Variants in AK3 observed in about 807,000 individuals in gnomAD.
AK3 encodes adenylate kinase 3.
Under a neutral mutation model 23.7 loss-of-function variants are expected in AK3, and 27 were observed. The ratio of observed to expected loss-of-function variants is 1.14; its 90% CI spans 0.84 to 1.57. AK3 has a LOEUF of 1.57. Among genes scored for constraint, AK3 ranks in the 40% most tolerant of loss-of-function variants. The probability of loss-of-function intolerance (pLI) is 0.00; values close to 1 mark genes in which losing one functional copy is unlikely to be tolerated. For synonymous variants in AK3, 159 were observed against 116.0 expected, an observed-to-expected ratio of 1.37 and a Z score of -2.38; for missense variants, 406 against 285.6, an observed-to-expected ratio of 1.42 and a Z score of -3.04.
Position 4,711,556 on chromosome 9 carries a change from T to C in AK3, c.*1420A>G, listed in dbSNP as rs371924408. 1.1e-3 allele frequency: 161 copies of C among 152,628 alleles called. 2 individuals are homozygous for C. The highest frequency in any genetic ancestry group is 3.7e-3 in the African/African-American group (152 of 41,574). 9.5% of individuals were successfully genotyped at this position (152,628 alleles called of 1,614,324 possible). A position where few individuals can be genotyped will look rare whatever the true frequency, so the allele number is the denominator to read the frequency against. On this transcript the variant is annotated 3_prime_UTR_variant, in exon 5 of 5. Transcript: ENST00000381809. ...CATAAGAACCACTTACTGGCACTTG[T>C]ATTTTAAGTACCTGGGAAAAAAACG...
Position 4,741,022 on chromosome 9 carries a change from G to T in AK3, c.66C>A (p.Thr22=). 6.3e-7 allele frequency: 1 copy of T among 1,589,302 alleles called. No homozygotes were observed. The highest frequency in any genetic ancestry group is 8.5e-7 in the Non-Finnish European group (1 of 1,169,974). The change falls in exon 1 of 5, where the codon ACC becomes ACA. Residue 22 remains threonine (T), a synonymous_variant. Transcript: ENST00000381809. ...AGTGTGTAGTGATGCGCGACGACAC[G>T]GTGCCCTTGCCCGAGCCCGGGGCCC... ...IMGAPGSGKG[T]VSSRITTHFE... is the part of the protein sequence containing the mutation.
intron 1 of AK3, among the ~76,000 whole-genome samples, chr9:4,731,463 G>A (rs1045493979): frequency 6.6e-6 from 1 of 151,750 alleles, no homozygotes; most frequent in Non-Finnish European, 1.5e-5. Flanking sequence ...TCATTTTTAT[G>A]GCTGCACAGT....
chr9:4,740,181 A>AT (rs1299735161), intron 1 of AK3, among the ~76,000 whole-genome samples: 1 of 152,072 alleles, frequency 6.6e-6, no homozygotes, highest in African/African-American at 2.4e-5. Context: ...TAAGGTCAAC[A>AT]TTTTTTGAGA....
At chr9:4,729,015 A>ATATATATATATATATTT (rs71326127) in intron 1 of AK3, among the ~76,000 whole-genome samples, 15 of 129,430 alleles carry the variant, frequency 1.2e-4, no homozygotes, top group East Asian at 4.8e-4. Flanking sequence ...ATATATATAT[A>ATATATATATATATATTT]TTTTTTTTTT....
intron 1 of AK3, among the ~76,000 whole-genome samples, chr9:4,735,592 C>T (rs2130912227): frequency 6.8e-6 from 1 of 147,450 alleles, no homozygotes; most frequent in South Asian, 2.1e-4. Context: ...ATTCTCCTGC[C>T]TCAGCTTCCC....
chr9:4,729,015 A>ATATATAT lies in AK3; in HGVS notation c.152-6391_152-6390insATATATA, dbSNP rs71326127. Among the ~76,000 whole-genome samples, 23 of 129,428 alleles carry ATATATAT rather than the reference A, an allele frequency of 1.8e-4. 1 individual carries two copies. Among genetic ancestry groups the ATATATAT allele is most frequent in the African/African-American group, 5.6e-4 (19 of 34,020 alleles). 84.9% of individuals were successfully genotyped at this position (129,428 alleles called of 152,430 possible). A position where few individuals can be genotyped will look rare whatever the true frequency, so the allele number is the denominator to read the frequency against. On this transcript the variant is annotated intron_variant, in intron 1 of 4. Transcript: ENST00000381809. ...CACACACACATATATATATATATAT[A>ATATATAT]TTTTTTTTTTTTGAGACGGAATTTT... is the stretch of plus-strand genomic sequence containing the variant.
intron 1 of AK3, among the ~76,000 whole-genome samples, chr9:4,728,476 C>T (rs964024516): frequency 6.6e-6 from 1 of 152,132 alleles, no homozygotes; most frequent in Non-Finnish European, 1.5e-5. Flanking sequence ...GAGGCTGAGG[C>T]AGGAGAAGTG....
At chr9:4,723,596 C>T (rs747354556) in intron 1 of AK3, among the ~76,000 whole-genome samples, 1 of 152,102 alleles carries the variant, frequency 6.6e-6, no homozygotes, top group South Asian at 2.1e-4. Flanking sequence ...CCTTCAGAAC[C>T]GTAATTCCAT....
chr9:4,728,862 T>TACACAC (rs1315242329), intron 1 of AK3, among the ~76,000 whole-genome samples: 27 of 71,472 alleles, frequency 3.8e-4, no homozygotes, highest in African/African-American at 1.2e-3. Context: ...TATATATATA[T>TACACAC]ATATACACAC....
chr9:4,730,003 A>G (rs1842116717), intron 1 of AK3, among the ~76,000 whole-genome samples: 1 of 152,228 alleles, frequency 6.6e-6, no homozygotes, highest in African/African-American at 2.4e-5. Flanking sequence ...CAGCAAAAAA[A>G]GAAATGAAGT....
intron 4 of AK3, 43 bp downstream of exon 4, chr9:4,718,376 G>C (rs1332999581): frequency 7.0e-7 from 1 of 1,422,026 alleles, no homozygotes; most frequent in Non-Finnish European, 9.9e-7. Context: ...ACTAGACTTA[G>C]TGCACCACTA....
chr9:4,716,844 T>C (rs1841749013), intron 4 of AK3, among the ~76,000 whole-genome samples: 1 of 152,122 alleles, frequency 6.6e-6, no homozygotes, highest in African/African-American at 2.4e-5. Context: ...GACAGGAGAA[T>C]TGCTTGAGCC....
chr9:4,715,606 C>A (rs1469174571), intron 4 of AK3, among the ~76,000 whole-genome samples: 1 of 151,926 alleles, frequency 6.6e-6, no homozygotes, highest in African/African-American at 2.4e-5. Flanking sequence ...ACCATGTTGC[C>A]CAGGCTGATC....
chr9:4,724,462 G>A (rs947766155), intron 1 of AK3, among the ~76,000 whole-genome samples: 4 of 152,124 alleles, frequency 2.6e-5, no homozygotes, highest in African/African-American at 9.7e-5. Flanking sequence ...AAGATTGTCT[G>A]CCCTTGCCAC....
At chr9:4,714,942 G>A (rs1288310078) in intron 4 of AK3, among the ~76,000 whole-genome samples, 1 of 152,146 alleles carries the variant, frequency 6.6e-6, no homozygotes, top group Middle Eastern at 3.4e-3. Flanking sequence ...AATTCGGCCG[G>A]GTGTGGTGGC....
chr9:4,726,323 G>T (rs1424486477), intron 1 of AK3, among the ~76,000 whole-genome samples: 1 of 152,138 alleles, frequency 6.6e-6, no homozygotes, highest in Non-Finnish European at 1.5e-5. Context: ...ATGCAGTGTT[G>T]TGTGATAGTA....
intron 1 of AK3, among the ~76,000 whole-genome samples, chr9:4,728,880 C>CAT (rs367780035): frequency 0.31 from 30,078 of 97,444 alleles, 3,527 homozygotes; most frequent in East Asian, 0.57. Context: ...CACACACACA[C>CAT]ACATACATAT....
chr9:4,722,502 T>A lies in AK3; in HGVS notation c.271+4A>T. On this transcript the variant is annotated splice_donor_region_variant and intron_variant, in intron 2 of 4. Transcript: ENST00000381809. Reference sequence around the variant, plus strand: ...AGGTGAAATGCTCATGAGACTCCACTTACCATCCAACAGCCAGCTATACTG... The same window carrying A: ...AGGTGAAATGCTCATGAGACTCCACATACCATCCAACAGCCAGCTATACTG... 1 of 1,614,088 alleles carries A rather than the reference T, an allele frequency of 6.2e-7. No homozygotes were observed. Among genetic ancestry groups the A allele is most frequent in the Non-Finnish European group, 8.5e-7 (1 of 1,180,004 alleles).
At chr9:4,728,952 T>C (rs891798646) in intron 1 of AK3, among the ~76,000 whole-genome samples, 31 of 142,618 alleles carry the variant, frequency 2.2e-4, no homozygotes, top group African/African-American at 6.8e-4. Flanking sequence ...TACATACATA[T>C]ATATACACAT....
Sources: allele counts gnomAD v4.1 joint callset (sites outside exome capture counted in the v4.1 genomes callset), GRCh38; gene constraint gnomAD v4.1.1; transcripts MANE v1.5; gene names NCBI Gene and HGNC (gene_info 2026-07-23, HGNC 2026-07-21).